The following NRG1 variants were observed in gnomAD, a reference collection of about 807,000 sequenced individuals.
NRG1 encodes neuregulin 1, also known as pro-neuregulin-1, membrane-bound isoform.
In NRG1, 18 loss-of-function variants were observed where a neutral mutation model predicts 63.8. That is an observed-to-expected ratio of 0.28 (90% CI 0.19 to 0.42). NRG1 has a LOEUF of 0.42. Among genes scored for constraint, NRG1 ranks in the 10% least tolerant of loss-of-function variants. NRG1 has a pLI of 1.00. For synonymous variants in NRG1, 302 were observed against 301.3 expected (o/e 1.00, Z -0.02); for missense variants, 762 against 814.7 (o/e 0.94, Z 0.79).
chr8:32,306,592 A>C (rs1856210572), intron 1 of NRG1, among the ~76,000 whole-genome samples: 1 of 152,194 alleles, frequency 6.6e-6, no homozygotes, highest in Non-Finnish European at 1.5e-5. Context: ...ATGACTGCAA[A>C]TACATTATAT....
At chr8:32,611,983 C>A (rs924476983) in intron 3 of NRG1, among the ~76,000 whole-genome samples, 2 of 151,968 alleles carry the variant, frequency 1.3e-5, no homozygotes, top group African/African-American at 2.4e-5. Context: ...TGAGACCAGA[C>A]CCCGTTTATT....
At chr8:32,190,392 TCAAATC>T (rs1047261787) in intron 1 of NRG1, among the ~76,000 whole-genome samples, 1 of 152,142 alleles carries the variant, frequency 6.6e-6, no homozygotes, top group Non-Finnish European at 1.5e-5. Context: ...TGTTCTGTAC[TCAAATC>T]CAAATCCTGA....
At position 32,675,123 on chromosome 8, in the gene NRG1, T is replaced by G. The variant is rs577330018; in HGVS notation, c.503-52826T>G. Among the ~76,000 whole-genome samples the G allele has an allele frequency of 3.9e-4, 60 of 152,316 alleles. 2 individuals carry two copies. Among genetic ancestry groups the G allele is most frequent in the South Asian group, 2.1e-3 (10 of 4,830 alleles). The stretch of plus-strand genomic sequence containing the variant: ...ACACTGTACAAATTCATGGTGTTAT[T>G]CATATTACTGGCCATAAAAAGAGCA... On this transcript the variant is annotated intron_variant, in intron 5 of 11. Transcript: ENST00000356819.
chr8:32,761,397 A>T (rs1830649191), intron 11 of NRG1, among the ~76,000 whole-genome samples: 1 of 151,632 alleles, frequency 6.6e-6, no homozygotes, highest in South Asian at 2.1e-4. Flanking sequence ...GAGTCTTTCC[A>T]CTCTTGGACT....
rs1741359814 is a variant in NRG1, at chr8:32,183,697, G to T, written c.38-412131G>T. ...ATTAATCTCAAATTAGAGTCCTGGAGTAGACTTATGTTTGGGATAGGAGTG... is the reference window on the plus strand; with the variant it reads ...ATTAATCTCAAATTAGAGTCCTGGATTAGACTTATGTTTGGGATAGGAGTG... On this transcript the variant is annotated intron_variant, in intron 1 of 10. Transcript: ENST00000519301. 2.6e-5 allele frequency among the ~76,000 whole-genome samples: 4 copies of T among 152,186 alleles called. No homozygotes were observed. The South Asian group carries it at 8.3e-4, about 32-fold the overall frequency.
At chr8:31,991,623 T>G (rs1017312978) in intron 1 of NRG1, among the ~76,000 whole-genome samples, 1 of 152,012 alleles carries the variant, frequency 6.6e-6, no homozygotes, top group Non-Finnish European at 1.5e-5. Flanking sequence ...GGAACTGGAT[T>G]TGACACCAGA....
chr8:32,596,423 G>A (rs1383744446), intron 2 of NRG1, among the ~76,000 whole-genome samples: 6 of 152,120 alleles, frequency 3.9e-5, no homozygotes, highest in Middle Eastern at 3.4e-3. Context: ...GGCCAACATG[G>A]TGAAACCCTG....
chr8:31,917,781 A>G (rs1288657349), intron 1 of NRG1, among the ~76,000 whole-genome samples: 2 of 152,144 alleles, frequency 1.3e-5, no homozygotes, highest in Non-Finnish European at 2.9e-5. Flanking sequence ...CATTGAATCT[A>G]TAAATTACCT....
chr8:31,979,285 C>A (rs1808690917), intron 1 of NRG1, among the ~76,000 whole-genome samples: 2 of 152,116 alleles, frequency 1.3e-5, no homozygotes, highest in South Asian at 4.1e-4. Context: ...GGAGCTAAAC[C>A]TAAATGGCAT....
chr8:32,554,422 A>G (rs1266894586), intron 1 of NRG1, among the ~76,000 whole-genome samples: 2 of 152,170 alleles, frequency 1.3e-5, no homozygotes, highest in African/African-American at 2.4e-5. Context: ...GGACAGCTTT[A>G]TTTATTTTTG....
chr8:32,598,424 C>CT (rs1843740889), intron 2 of NRG1, among the ~76,000 whole-genome samples: 1 of 151,996 alleles, frequency 6.6e-6, no homozygotes, highest in African/African-American at 2.4e-5. Flanking sequence ...TACATGTATA[C>CT]TTAAAGAGGT....
At chr8:31,885,830 A>C (rs1469220315) in intron 1 of NRG1, among the ~76,000 whole-genome samples, 2 of 152,066 alleles carry the variant, frequency 1.3e-5, no homozygotes, top group African/African-American at 4.8e-5. Context: ...TCAGTACACC[A>C]CTGTATTACT....
At chr8:31,803,050 G>A (rs986851272) in intron 1 of NRG1, among the ~76,000 whole-genome samples, 1 of 152,156 alleles carries the variant, frequency 6.6e-6, no homozygotes, top group African/African-American at 2.4e-5. Context: ...ATGCTAATTT[G>A]AGAGCGTTCA....
intron 1 of NRG1, among the ~76,000 whole-genome samples, chr8:31,692,440 T>G (rs1191568232): frequency 1.3e-5 from 2 of 152,198 alleles, no homozygotes; most frequent in East Asian, 1.9e-4. Flanking sequence ...GAACTTTATA[T>G]TCTAGGTTAA....
chr8:32,586,482 C>G (rs1440128255), intron 1 of NRG1, among the ~76,000 whole-genome samples: 4 of 152,030 alleles, frequency 2.6e-5, no homozygotes, highest in African/African-American at 7.2e-5. Context: ...TTCTCACAGA[C>G]AAATGTGGAG....
chr8:32,073,288 A>G (rs1160380954), intron 1 of NRG1, among the ~76,000 whole-genome samples: 1 of 152,222 alleles, frequency 6.6e-6, no homozygotes, highest in Non-Finnish European at 1.5e-5. Context: ...AGAGCTTTAT[A>G]GGATTTCATT....
intron 1 of NRG1, among the ~76,000 whole-genome samples, chr8:32,486,212 G>A: frequency 6.6e-6 from 1 of 152,134 alleles, no homozygotes; most frequent in East Asian, 1.9e-4. Flanking sequence ...GATTACAGAT[G>A]TGAGCCACCG....
chr8:31,763,208 A>G (rs1817726606), intron 1 of NRG1, among the ~76,000 whole-genome samples: 1 of 152,228 alleles, frequency 6.6e-6, no homozygotes, highest in Admixed American at 6.5e-5. Context: ...CCTACAGCAA[A>G]CAACACATAT....
rs1005972930 is a variant in NRG1 at position 31,909,249 on chromosome 8, T to C, written c.37+269818T>C. ...TGCCTTACCATTGTAGGTCATTTTA[T>C]AGTTTCCAAGGGTTTTCAACTATAT... On this transcript the variant is annotated intron_variant, in intron 1 of 10. Coordinates refer to the NRG1 transcript ENST00000519301. Among the ~76,000 whole-genome samples, 4 of 152,222 alleles carry C rather than the reference T, an allele frequency of 2.6e-5. No homozygotes were observed. The South Asian group carries it at 6.2e-4, about 24-fold the overall frequency.
Sources: allele counts gnomAD v4.1 joint callset (sites outside exome capture counted in the v4.1 genomes callset), GRCh38; gene constraint gnomAD v4.1.1; transcripts MANE v1.5; gene names NCBI Gene and HGNC (gene_info 2026-07-23, HGNC 2026-07-21).